The following LRMDA variants were observed in gnomAD, a reference collection of about 807,000 sequenced individuals.
The protein encoded by LRMDA is leucine-rich melanocyte differentiation-associated protein.
Under a neutral mutation model 29.8 loss-of-function variants are expected in LRMDA, and 18 were observed. The ratio of observed to expected loss-of-function variants is 0.60; its 90% CI spans 0.42 to 0.90. LRMDA has a LOEUF of 0.90. LRMDA is among the 40% of genes least tolerant of loss of function. The pLI is 0.00. For synonymous variants in LRMDA, 125 were observed against 109.4 expected (o/e 1.14, Z -0.89); for missense variants, 273 against 273.9 (o/e 1.00, Z 0.02).
At chr10:76,120,547 G>A (rs1849767679) in intron 5 of LRMDA, among the ~76,000 whole-genome samples, 2 of 152,058 alleles carry the variant, frequency 1.3e-5, no homozygotes, top group Admixed American at 1.3e-4. Context: ...GTTTGAGGTA[G>A]CTTATAAGAA....
chr10:76,339,737 A>G (rs1472013470), intron 6 of LRMDA, among the ~76,000 whole-genome samples: 2 of 152,060 alleles, frequency 1.3e-5, no homozygotes, highest in African/African-American at 2.4e-5. Flanking sequence ...CATATTGATA[A>G]ATCTGAAAAT....
In LRMDA at chr10:75,969,224, C is replaced by T. The variant is rs1846922274; in HGVS notation, c.132-66784C>T. On this transcript the variant is annotated intron_variant, in intron 2 of 6. Coordinates refer to ENST00000611255, the MANE Select transcript of LRMDA (RefSeq NM_001305581.2). Reference sequence around the variant, plus strand: ...GACACTTGGAGGTTTGTCCTGTGGTCATCTGGCTCTCAGCTGCTTCTTTTC... The same window carrying T: ...GACACTTGGAGGTTTGTCCTGTGGTTATCTGGCTCTCAGCTGCTTCTTTTC... Among the ~76,000 whole-genome samples, 4 of 152,212 alleles carry T rather than the reference C, an allele frequency of 2.6e-5. No homozygotes were observed. The South Asian group carries it at 6.2e-4, about 24-fold the overall frequency.
intron 6 of LRMDA, among the ~76,000 whole-genome samples, chr10:76,389,350 T>A (rs1162705152): frequency 6.6e-6 from 1 of 152,174 alleles, no homozygotes; most frequent in Non-Finnish European, 1.5e-5. Flanking sequence ...AGCAATCCAA[T>A]GATTGCTTGA....
chr10:76,049,727 G>C (rs754500599), intron 4 of LRMDA, among the ~76,000 whole-genome samples: 1 of 152,004 alleles, frequency 6.6e-6, no homozygotes, highest in Non-Finnish European at 1.5e-5. Context: ...TGGCATTTGT[G>C]TTTATACAAA....
chr10:76,435,163 C>T (rs766091499), intron 6 of LRMDA, among the ~76,000 whole-genome samples: 2 of 152,156 alleles, frequency 1.3e-5, no homozygotes, highest in Non-Finnish European at 2.9e-5. Flanking sequence ...TTGAATATAT[C>T]ACTTGCAAAG....
chr10:75,615,066 G>A (rs1179794995), intron 2 of LRMDA, among the ~76,000 whole-genome samples: 5 of 152,312 alleles, frequency 3.3e-5, no homozygotes, highest in South Asian at 4.1e-4. Context: ...GGTGTTTAAC[G>A]AAGGATGTGG....
chr10:75,934,115 A>T (rs559988237), intron 2 of LRMDA, among the ~76,000 whole-genome samples: 2 of 152,212 alleles, frequency 1.3e-5, no homozygotes, highest in African/African-American at 4.8e-5. Flanking sequence ...CAAAATGTGC[A>T]TGGGTCCTGG....
chr10:75,732,724 T>C (rs1222660824), intron 2 of LRMDA, among the ~76,000 whole-genome samples: 1 of 152,202 alleles, frequency 6.6e-6, no homozygotes, highest in African/African-American at 2.4e-5. Flanking sequence ...GCCATCCCTC[T>C]GGACTAGAAT....
At chr10:75,577,185 A>T (rs995744416) in intron 2 of LRMDA, among the ~76,000 whole-genome samples, 1 of 152,190 alleles carries the variant, frequency 6.6e-6, no homozygotes, top group Non-Finnish European at 1.5e-5. Flanking sequence ...CAGTATAGAG[A>T]AGAACATATA....
chr10:76,297,535 G>C (rs1415456060), intron 5 of LRMDA, among the ~76,000 whole-genome samples: 1 of 152,200 alleles, frequency 6.6e-6, no homozygotes, highest in Non-Finnish European at 1.5e-5. Context: ...AACAAGCTTG[G>C]AGTTGTTCAT....
At chr10:75,495,801 G>A (rs529216568) in intron 2 of LRMDA, among the ~76,000 whole-genome samples, 1 of 152,358 alleles carries the variant, frequency 6.6e-6, no homozygotes, top group Admixed American at 6.5e-5. Context: ...ATGCCTCGGG[G>A]TGGCTGGATT....
intron 4 of LRMDA, among the ~76,000 whole-genome samples, chr10:76,053,698 C>G (rs1291471460): frequency 6.6e-6 from 1 of 152,176 alleles, no homozygotes; most frequent in Non-Finnish European, 1.5e-5. Flanking sequence ...GAAGATCTGG[C>G]AGACATGGCC....
At chr10:75,539,224 C>T (rs573365755) in intron 2 of LRMDA, among the ~76,000 whole-genome samples, 9 of 152,140 alleles carry the variant, frequency 5.9e-5, no homozygotes, top group Non-Finnish European at 1.3e-4. Flanking sequence ...AGCATGAAAA[C>T]TGGAGATGGA....
chr10:76,092,545 T>C (rs888600672), intron 5 of LRMDA, among the ~76,000 whole-genome samples: 5 of 152,212 alleles, frequency 3.3e-5, no homozygotes, highest in African/African-American at 1.2e-4. Context: ...ACAGGGATGA[T>C]ACGGGATATT....
chr10:76,053,444 T>A (rs955040667), intron 4 of LRMDA, among the ~76,000 whole-genome samples: 1 of 152,180 alleles, frequency 6.6e-6, no homozygotes, highest in African/African-American at 2.4e-5. Context: ...AGGATTAAAT[T>A]TACAAGGGTT....
chr10:75,578,782 A>G (rs954256516), intron 2 of LRMDA, among the ~76,000 whole-genome samples: 1 of 151,956 alleles, frequency 6.6e-6, no homozygotes, highest in African/African-American at 2.4e-5. Flanking sequence ...CCTGCTCCTG[A>G]ATGACTACTG....
intron 2 of LRMDA, among the ~76,000 whole-genome samples, chr10:75,642,139 G>C (rs376913691): frequency 1.2e-3 from 186 of 152,236 alleles, no homozygotes; most frequent in African/African-American, 4.4e-3. Context: ...TCATGAACAG[G>C]GTGGATCTGA....
intron 6 of LRMDA, among the ~76,000 whole-genome samples, chr10:76,408,867 A>T (rs1157851559): frequency 6.6e-6 from 1 of 152,164 alleles, no homozygotes; most frequent in Non-Finnish European, 1.5e-5. Context: ...CCCCTCATGT[A>T]GTAGTCACAT....
chr10:75,879,342 ACTCT>A (rs979260862), intron 2 of LRMDA, among the ~76,000 whole-genome samples: 3 of 151,098 alleles, frequency 2.0e-5, no homozygotes, highest in African/African-American at 7.3e-5. Context: ...GCCCTTAGAA[ACTCT>A]CTCTTCCCAC....
Sources: allele counts gnomAD v4.1 joint callset (sites outside exome capture counted in the v4.1 genomes callset), GRCh38; gene constraint gnomAD v4.1.1; transcripts MANE v1.5; gene names NCBI Gene and HGNC (gene_info 2026-07-23, HGNC 2026-07-21).